Variants in TRAPPC9 observed in about 807,000 individuals in gnomAD.
TRAPPC9 encodes the protein IKK2 binding protein.
Under a neutral mutation model 124.0 loss-of-function variants are expected in TRAPPC9, and 83 were observed. The observed-to-expected ratio is 0.67, with a 90% CI of 0.56 to 0.80. The LOEUF (loss-of-function observed/expected upper bound fraction) is 0.80. TRAPPC9 is among the 30% of genes least tolerant of loss of function. The pLI is 0.00. For missense variants in TRAPPC9, 1,302 were observed against 1,508.3 expected, an observed-to-expected ratio of 0.86 and a Z score of 2.27; for synonymous variants, 638 against 617.5, an observed-to-expected ratio of 1.03 and a Z score of -0.49.
intron 17 of TRAPPC9, among the ~76,000 whole-genome samples, chr8:140,137,341 G>A (rs1334826415): frequency 6.6e-6 from 1 of 151,318 alleles, no homozygotes; most frequent in Non-Finnish European, 1.5e-5. Flanking sequence ...TGGCACTCAA[G>A]GAGGTCTGCG....
chr8:140,320,026 A>C (rs1057433266), intron 9 of TRAPPC9, among the ~76,000 whole-genome samples: 1 of 152,212 alleles, frequency 6.6e-6, no homozygotes, highest in Admixed American at 6.5e-5. Context: ...AAAGAAGTAC[A>C]TCTTTTTTTT....
chr8:140,088,021 T>C (rs1184569849), intron 17 of TRAPPC9, among the ~76,000 whole-genome samples: 1 of 151,950 alleles, frequency 6.6e-6, no homozygotes, highest in Non-Finnish European at 1.5e-5. Context: ...GCTATCTCTT[T>C]CTCATGGTTC....
At chr8:139,780,453 C>T (rs1229318821) in intron 21 of TRAPPC9, among the ~76,000 whole-genome samples, 2 of 152,108 alleles carry the variant, frequency 1.3e-5, no homozygotes, top group Non-Finnish European at 2.9e-5. Context: ...ACAAATGGTG[C>T]TGGAACAACT....
At chr8:139,913,072 T>A (rs1831855266) in intron 19 of TRAPPC9, among the ~76,000 whole-genome samples, 1 of 152,236 alleles carries the variant, frequency 6.6e-6, no homozygotes, top group South Asian at 2.1e-4. Context: ...GGCAGCTCCC[T>A]GGGTCAGAGC....
At chr8:140,204,727 TC>T (rs1326064920) in intron 17 of TRAPPC9, among the ~76,000 whole-genome samples, 1 of 152,222 alleles carries the variant, frequency 6.6e-6, no homozygotes, top group Non-Finnish European at 1.5e-5. Flanking sequence ...TCTGAGGTCC[TC>T]ACCAGAAGCA....
chr8:140,198,364 C>A (rs537591068), intron 17 of TRAPPC9, among the ~76,000 whole-genome samples: 43 of 152,202 alleles, frequency 2.8e-4, no homozygotes, highest in Non-Finnish European at 5.9e-4. Flanking sequence ...AGATTCTGAC[C>A]CTCCCTGAAC....
At chr8:140,378,355 C>T (rs2068507093) in intron 7 of TRAPPC9, among the ~76,000 whole-genome samples, 2 of 152,058 alleles carry the variant, frequency 1.3e-5, no homozygotes, top group African/African-American at 4.8e-5. Flanking sequence ...GCTGCCAGCG[C>T]AGCTAAGAAT....
intron 9 of TRAPPC9, among the ~76,000 whole-genome samples, chr8:140,358,717 C>A (rs1324856459): frequency 6.6e-6 from 1 of 152,174 alleles, no homozygotes; most frequent in East Asian, 1.9e-4. Context: ...AGTGGGGTCG[C>A]CACCTGGACA....
chr8:140,223,455 C>G (rs2063381415), intron 16 of TRAPPC9, among the ~76,000 whole-genome samples: 3 of 152,176 alleles, frequency 2.0e-5, no homozygotes, highest in Non-Finnish European at 2.9e-5. Flanking sequence ...GGTGGCAAGT[C>G]TGAAACTCAC....
chr8:140,161,310 C>T (rs557670945), intron 17 of TRAPPC9, among the ~76,000 whole-genome samples: 8 of 152,146 alleles, frequency 5.3e-5, no homozygotes, highest in South Asian at 2.1e-4. Flanking sequence ...CCCCGGATGA[C>T]GCAGCTAGCG....
intron 17 of TRAPPC9, among the ~76,000 whole-genome samples, chr8:140,092,009 C>T (rs1294644220): frequency 6.6e-6 from 1 of 150,790 alleles, no homozygotes; most frequent in Non-Finnish European, 1.5e-5. Context: ...CCTCTGCTGT[C>T]TCCTCAGTCT....
chr8:139,856,406 G>A (rs1827800324), intron 21 of TRAPPC9, among the ~76,000 whole-genome samples: 1 of 152,148 alleles, frequency 6.6e-6, no homozygotes, highest in Non-Finnish European at 1.5e-5. Flanking sequence ...CCCTGCGGCG[G>A]CTCCCCTTCC....
chr8:140,125,539 G>A (rs1218378937), intron 17 of TRAPPC9, among the ~76,000 whole-genome samples: 2 of 151,278 alleles, frequency 1.3e-5, no homozygotes, highest in African/African-American at 4.9e-5. Flanking sequence ...ACCTGTGGGT[G>A]ACGGGAACAT....
chr8:140,105,645 C>T (rs369978034), intron 17 of TRAPPC9, among the ~76,000 whole-genome samples: 29 of 152,282 alleles, frequency 1.9e-4, no homozygotes, highest in African/African-American at 7.0e-4. Flanking sequence ...GTAAACACCT[C>T]GTCTCCTCCT....
chr8:140,089,922 A>G (rs1844452224), intron 17 of TRAPPC9, among the ~76,000 whole-genome samples: 1 of 152,086 alleles, frequency 6.6e-6, no homozygotes, highest in African/African-American at 2.4e-5. Flanking sequence ...TACTAAAAAT[A>G]TAAAAAAAGT....
chr8:139,971,033 C>T (rs1195691373), intron 19 of TRAPPC9, among the ~76,000 whole-genome samples: 1 of 152,054 alleles, frequency 6.6e-6, no homozygotes, highest in Non-Finnish European at 1.5e-5. Context: ...CCAAATTCTC[C>T]TCCTACCCAC....
chr8:140,121,131 A>T (rs2060979441), intron 17 of TRAPPC9, among the ~76,000 whole-genome samples: 1 of 152,272 alleles, frequency 6.6e-6, no homozygotes, highest in Admixed American at 6.5e-5. Context: ...GATATCAGGG[A>T]TGCCTCCACT....
At chr8:140,089,000 C>G (rs963576630) in intron 17 of TRAPPC9, among the ~76,000 whole-genome samples, 6 of 152,138 alleles carry the variant, frequency 3.9e-5, no homozygotes, top group African/African-American at 9.7e-5. Flanking sequence ...GTTTGGGAAG[C>G]CTTTTTCTCT....
intron 10 of TRAPPC9, among the ~76,000 whole-genome samples, chr8:140,300,968 C>T (rs6983909): frequency 0.015 from 2,273 of 152,292 alleles, 55 homozygotes; most frequent in African/African-American, 0.052. Flanking sequence ...ATCTCTAAGA[C>T]GTAGGTTCCT....
Sources: allele counts gnomAD v4.1 joint callset (sites outside exome capture counted in the v4.1 genomes callset), GRCh38; gene constraint gnomAD v4.1.1; transcripts MANE v1.5; gene names NCBI Gene and HGNC (gene_info 2026-07-23, HGNC 2026-07-21).